The following RET variants were observed in gnomAD, a reference collection of about 807,000 sequenced individuals.
RET encodes proto-oncogene tyrosine-protein kinase receptor Ret.
A neutral mutation model predicts 118.3 loss-of-function variants in RET; 19 were observed. That is an observed-to-expected ratio of 0.16 (90% CI 0.11 to 0.24). The LOEUF is 0.24. RET is among the 10% of genes least tolerant of loss of function. The pLI is 1.00. For missense variants in RET, 1,219 were observed against 1,502.1 expected (o/e 0.81, Z 3.12); for synonymous variants, 597 against 644.1 (o/e 0.93, Z 1.11).
chr10:43,092,955 A>G (rs1007543982), intron 1 of RET, among the ~76,000 whole-genome samples: 3 of 152,004 alleles, frequency 2.0e-5, no homozygotes, highest in Admixed American at 1.3e-4. Flanking sequence ...CCCCTTCCCA[A>G]ATTCTGACCA....
chr10:43,121,906 T>A (rs376041608), intron 15 of RET, 40 bp from the exon 16 acceptor site: 43 of 1,493,824 alleles, frequency 2.9e-5, no homozygotes, highest in Non-Finnish European at 4.0e-5. Context: ...TCCTAGAGAG[T>A]TAGAGTAACT....
In RET at chr10:43,128,733, C is replaced by A; in HGVS notation, c.*464C>A. On this transcript the variant is annotated 3_prime_UTR_variant, in exon 20 of 20. Transcript: ENST00000355710. Reference sequence around the variant, plus strand: ...GTAGGAAAAATGCTGGCCCTGATGACCTGTCCTTATTCAGAATGAGAGACT... The same window carrying A: ...GTAGGAAAAATGCTGGCCCTGATGAACTGTCCTTATTCAGAATGAGAGACT... 1 of 372,734 alleles carries A rather than the reference C, an allele frequency of 2.7e-6. No homozygotes were observed. The highest frequency in any genetic ancestry group is 5.0e-6 in the Non-Finnish European group (1 of 199,612). 23.1% of individuals were successfully genotyped at this position (372,734 alleles called of 1,614,324 possible).
At chr10:43,092,993 A>T (rs1837441355) in intron 1 of RET, among the ~76,000 whole-genome samples, 1 of 151,084 alleles carries the variant, frequency 6.6e-6, no homozygotes, top group Admixed American at 6.6e-5. Flanking sequence ...GCCCTTTCAC[A>T]CTCCTGTTTA....
chr10:43,081,393 C>G (rs12763859), intron 1 of RET, among the ~76,000 whole-genome samples: 2 of 152,340 alleles, frequency 1.3e-5, no homozygotes, highest in East Asian at 3.9e-4. Flanking sequence ...CCCTGCTGCT[C>G]TAGGGCTGGG....
chr10:43,106,342 G>A lies in RET; in HGVS notation c.868-34G>A, dbSNP rs752373870. 1.4e-5 allele frequency: 22 copies of A among 1,599,870 alleles called. No homozygotes were observed. Among genetic ancestry groups the A allele is most frequent in the African/African-American group, 8.0e-5 (6 of 74,782 alleles). On this transcript the variant is annotated intron_variant, in intron 4 of 19. Transcript: ENST00000355710. This position sits in a 1 kb window ranked among gnomAD's most constrained non-coding sequence, Gnocchi z 5.1. ...TTGGGGGGTCTGAGGGGCCCATCTCGCCTGCACTGACCAACGCCCTCTGCA... is the reference window on the plus strand; with the variant it reads ...TTGGGGGGTCTGAGGGGCCCATCTCACCTGCACTGACCAACGCCCTCTGCA...
At position 43,077,314 on chromosome 10, in the gene RET, T is replaced by TGCC. The variant is rs1064796534; in HGVS notation, c.59_61dup (p.Pro20dup). On this transcript the variant is annotated inframe_insertion, in exon 1 of 20. Coordinates refer to ENST00000355710, the MANE Select transcript of RET (RefSeq NM_020975.6). Reference sequence around the variant, plus strand: ...CTGCGTCTGCTGTTGCTGCTGCTGCTGCCGCTGCTAGGCAAAGGTGAGTTC... The same window carrying TGCC: ...CTGCGTCTGCTGTTGCTGCTGCTGCTGCCGCCGCTGCTAGGCAAAGGTGAGTTC... The TGCC allele has an allele frequency of 3.3e-6, 5 of 1,511,242 alleles. No homozygotes were observed. In the East Asian group the frequency reaches 1.0e-4, roughly 31 times the overall value. The allele number at this position is 1,511,242 out of a possible 1,614,324, so 93.6% of individuals were successfully genotyped here. A position where few individuals can be genotyped will look rare whatever the true frequency, so the allele number is the denominator to read the frequency against.
chr10:43,077,486 C>G (rs1209923937), intron 1 of RET, among the ~76,000 whole-genome samples, 155 bp downstream of exon 1: 2 of 148,154 alleles, frequency 1.3e-5, no homozygotes, highest in African/African-American at 4.9e-5. Flanking sequence ...GCAGTGGCTG[C>G]GGCGGGCGGC....
At chr10:43,080,858 C>A (rs1053664118) in intron 1 of RET, among the ~76,000 whole-genome samples, 2 of 152,202 alleles carry the variant, frequency 1.3e-5, no homozygotes, top group Non-Finnish European at 2.9e-5. Context: ...CTGCCAGTGG[C>A]GGTGCAGATG....
intron 9 of RET, 150 bp from the exon 10 acceptor site, chr10:43,113,406 C>A (rs2132823864): frequency 2.1e-6 from 2 of 932,752 alleles, no homozygotes; most frequent in Non-Finnish European, 3.1e-6. Flanking sequence ...CCCTGCCCGG[C>A]TAAGCCAAGC....
At chr10:43,092,986 C>A (rs2132605818) in intron 1 of RET, among the ~76,000 whole-genome samples, 1 of 152,336 alleles carries the variant, frequency 6.6e-6, no homozygotes, top group Non-Finnish European at 1.5e-5. Flanking sequence ...GTGCCCAGCC[C>A]TTTCACACTC....
At chr10:43,087,823 G>T (rs1419024797) in intron 1 of RET, among the ~76,000 whole-genome samples, 1 of 152,210 alleles carries the variant, frequency 6.6e-6, no homozygotes, top group Admixed American at 6.5e-5. Flanking sequence ...CTGGCAAAAA[G>T]CTGCTTTCAT....
chr10:43,112,316 C>T (rs1837958787), intron 8 of RET, 92 bp downstream of exon 8: 3 of 1,524,442 alleles, frequency 2.0e-6, no homozygotes, highest in Non-Finnish European at 2.7e-6. Flanking sequence ...GGGTGGCTCT[C>T]CCTGCTCCAG....
intron 18 of RET, 54 bp downstream of exon 18, chr10:43,125,036 G>C: frequency 1.3e-6 from 2 of 1,538,802 alleles, no homozygotes; most frequent in Non-Finnish European, 1.8e-6. Context: ...GGAGACTCCA[G>C]CCTCACCCCA....
In RET at chr10:43,120,181, A is replaced by G. The variant is rs1423488525; in HGVS notation, c.2708A>G (p.Asp903Gly). 1 of 1,613,280 alleles carries G rather than the reference A, an allele frequency of 6.2e-7. No individual in the cohort carries two copies. Among genetic ancestry groups the G allele is most frequent in the Non-Finnish European group, 8.5e-7 (1 of 1,180,012 alleles). The change falls in exon 15 of 20, where the codon GAT becomes GGT. Residue 903 changes from aspartate (D) to glycine (G), a missense_variant. Physicochemically the swap from Asp to Gly is moderately conservative, Grantham distance 94. This residue lies in a region of RET where 73 missense variants were observed against 156.5 expected (regional missense o/e 0.47). Transcript: ENST00000355710. ...TTGTCCCGAGATGTTTATGAAGAGG[A>G]TTCCTACGTGAAGAGGAGCCAGGTG... ...FGLSRDVYEE[D>G]SYVKRSQGRI...
intron 5 of RET, among the ~76,000 whole-genome samples, chr10:43,107,501 G>A (rs1248397272): frequency 6.6e-6 from 1 of 151,682 alleles, no homozygotes; most frequent in Non-Finnish European, 1.5e-5. Context: ...GCTGTCTGGA[G>A]GGCTCTAGTG....
At position 43,124,948 on chromosome 10, in the gene RET, G is replaced by A. The variant is rs763489828; in HGVS notation, c.3005G>A (p.Ser1002Asn). ...PDKRPVFADI[S>N]KDLEKMMVKR... ...AAAAGGCCGGTGTTTGCGGACATCA[G>A]CAAAGACCTGGAGAAGATGATGGTT... The change falls in exon 18 of 20, where the codon AGC becomes AAC. Residue 1002 changes from serine to asparagine, a missense_variant. Ser to Asn is a conservative substitution (Grantham distance 46). Around this residue, in one of 5 missense-constraint regions of RET, gnomAD observed 174 missense variants for 179.3 expected, o/e 0.97. Transcript: ENST00000355710. The A allele has an allele frequency of 5.3e-5, 86 of 1,614,124 alleles. No homozygotes were observed. Among genetic ancestry groups the A allele is most frequent in the Non-Finnish European group, 6.4e-5 (75 of 1,180,058 alleles).
At chr10:43,078,520 G>C (rs945693526) in intron 1 of RET, among the ~76,000 whole-genome samples, 2 of 152,260 alleles carry the variant, frequency 1.3e-5, no homozygotes, top group Admixed American at 6.5e-5. Flanking sequence ...AGAAGCCCTT[G>C]CCTTTCTATC....
chr10:43,126,834 T>C lies in RET; in HGVS notation c.3187+112T>C, dbSNP rs149939582. On this transcript the variant is annotated intron_variant, in intron 19 of 19. Transcript: ENST00000355710. ...TTCTGGTCTGAACAAAACCAAAGTC[T>C]GCTCTGAACCTTTTTATTTGTAAAT... 5.3e-4 allele frequency: 793 copies of C among 1,505,012 alleles called. 3 individuals are homozygous for C. In the African/African-American group the frequency reaches 7.9e-3, roughly 15 times the overall value. The allele number at this position is 1,505,012 out of a possible 1,614,324, so 93.2% of individuals were successfully genotyped here. A position where few individuals can be genotyped will look rare whatever the true frequency, so the allele number is the denominator to read the frequency against.
chr10:43,125,119 C>T (rs777275103), intron 18 of RET, 137 bp downstream of exon 18: 3 of 817,488 alleles, frequency 3.7e-6, no homozygotes, highest in South Asian at 2.9e-5. Context: ...GAGAGTCATG[C>T]TCTCCCCTGC....
Sources: allele counts gnomAD v4.1 joint callset (sites outside exome capture counted in the v4.1 genomes callset), GRCh38; gene constraint gnomAD v4.1.1; regional missense constraint gnomAD v4.1.1; non-coding constraint Gnocchi (gnomAD v3.1); transcripts MANE v1.5; gene names NCBI Gene and HGNC (gene_info 2026-07-23, HGNC 2026-07-21).